The following RALYL variants were observed in gnomAD, a reference collection of about 807,000 sequenced individuals.
RALYL encodes the protein RNA-binding Raly-like protein.
Under a neutral mutation model 35.1 loss-of-function variants are expected in RALYL, and 29 were observed. That is an observed-to-expected ratio of 0.83 (90% CI 0.61 to 1.13). RALYL has a LOEUF of 1.13. Ranked by LOEUF, RALYL falls within the 50% of genes most tolerant of loss-of-function variation. RALYL has a pLI of 0.00. For missense variants in RALYL, 359 were observed against 360.4 expected, an observed-to-expected ratio of 1.00 and a Z score of 0.03; for synonymous variants, 120 against 127.6, an observed-to-expected ratio of 0.94 and a Z score of 0.40.
chr8:84,555,150 A>G (rs565364104), intron 2 of RALYL, among the ~76,000 whole-genome samples: 4 of 152,022 alleles, frequency 2.6e-5, no homozygotes, highest in African/African-American at 2.4e-5. Context: ...GTGGTGGCAC[A>G]CGCCTGTAAT....
intron 3 of RALYL, among the ~76,000 whole-genome samples, chr8:84,804,481 CAG>C (rs1004676224): frequency 7.2e-4 from 109 of 152,204 alleles, no homozygotes; most frequent in African/African-American, 2.6e-3. Context: ...TGAGTAGATA[CAG>C]AGAGTGCAAT....
At chr8:84,609,321 C>T (rs1197181171) in intron 2 of RALYL, among the ~76,000 whole-genome samples, 1 of 151,996 alleles carries the variant, frequency 6.6e-6, no homozygotes, top group African/African-American at 2.4e-5. Context: ...CTTCAGTTTC[C>T]TTGTCTGTGA....
At chr8:84,611,968 C>A (rs1818401284) in intron 2 of RALYL, among the ~76,000 whole-genome samples, 1 of 151,816 alleles carries the variant, frequency 6.6e-6, no homozygotes, top group South Asian at 2.1e-4. Context: ...TATTTGTCTC[C>A]ATTTTTTTAA....
intron 5 of RALYL, among the ~76,000 whole-genome samples, chr8:84,850,851 A>G (rs1040940429): frequency 3.3e-5 from 5 of 152,136 alleles, no homozygotes; most frequent in Non-Finnish European, 4.4e-5. Flanking sequence ...AGTTCTTTCA[A>G]TGTGTGATTC....
Position 84,415,739 on chromosome 8 carries a change from C to A in RALYL, c.-23-113560C>A, listed in dbSNP as rs1296720628. On this transcript the variant is annotated intron_variant, in intron 1 of 8. Coordinates refer to ENST00000521268, the MANE Select transcript of RALYL (RefSeq NM_173848.7). Reference sequence around the variant, plus strand: ...GTAACAAAAGCAAATTGCTGAATTGCCGTTACAATAGTACTTAATTAATAT... The same window carrying A: ...GTAACAAAAGCAAATTGCTGAATTGACGTTACAATAGTACTTAATTAATAT... Among the ~76,000 whole-genome samples the A allele has an allele frequency of 3.3e-5, 5 of 151,994 alleles. No homozygotes were observed. The East Asian group carries it at 9.6e-4, about 29-fold the overall frequency.
At chr8:84,774,542 T>G (rs1816366338) in intron 2 of RALYL, 37 bp from the exon 3 acceptor site, 1 of 1,360,990 alleles carries the variant, frequency 7.3e-7, no homozygotes, top group African/African-American at 1.5e-5. Flanking sequence ...TGGTTTCGTA[T>G]TTTCTTAATC....
intron 2 of RALYL, among the ~76,000 whole-genome samples, chr8:84,703,532 T>C (rs1048471095): frequency 3.9e-5 from 6 of 152,118 alleles, no homozygotes; most frequent in African/African-American, 1.2e-4. Flanking sequence ...TGAAGTGAAT[T>C]GTCACATGGT....
intron 2 of RALYL, among the ~76,000 whole-genome samples, chr8:84,646,862 T>C (rs1827612672): frequency 6.6e-6 from 1 of 152,118 alleles, no homozygotes; most frequent in African/African-American, 2.4e-5. Flanking sequence ...AGTTCTGACC[T>C]GTGTTCAGCA....
chr8:84,360,851 G>T (rs1288489832), intron 1 of RALYL, among the ~76,000 whole-genome samples: 5 of 151,634 alleles, frequency 3.3e-5, no homozygotes, highest in Non-Finnish European at 7.4e-5. Flanking sequence ...AATAAAATTG[G>T]ATAATTCTCA....
chr8:84,735,841 A>AGAGAGAGAGAGAGAGAGAGAGAGAAC lies in RALYL; in HGVS notation c.257-38730_257-38729insGAGAGAGAGAGAGAGAACGAGAGAGA, dbSNP rs1180314583. ...GAGAGAGAGAGAGAGAGAGAGAGAG[A>AGAGAGAGAGAGAGAGAGAGAGAGAAC]GAGAGAGAACGAGAACACACAGGTC... On this transcript the variant is annotated intron_variant, in intron 2 of 8. Coordinates refer to ENST00000521268, the MANE Select transcript of RALYL (RefSeq NM_173848.7). Among the ~76,000 whole-genome samples, 207 of 150,478 alleles carry AGAGAGAGAGAGAGAGAGAGAGAGAAC rather than the reference A, an allele frequency of 1.4e-3. 4 individuals are homozygous for AGAGAGAGAGAGAGAGAGAGAGAGAAC. The highest frequency in any genetic ancestry group is 5.0e-3 in the African/African-American group (201 of 40,100).
At chr8:84,433,862 T>A (rs75159278) in intron 1 of RALYL, among the ~76,000 whole-genome samples, 10,569 of 142,184 alleles carry the variant, frequency 0.074, 433 homozygotes, top group East Asian at 0.17. Flanking sequence ...TATATATATA[T>A]AATACCATGT....
chr8:84,881,460 T>C (rs1453371031), intron 7 of RALYL, among the ~76,000 whole-genome samples: 1 of 151,984 alleles, frequency 6.6e-6, no homozygotes, highest in Non-Finnish European at 1.5e-5. Flanking sequence ...TAAGCCAGCA[T>C]GTCAAAAAAC....
intron 2 of RALYL, among the ~76,000 whole-genome samples, chr8:84,598,672 G>A (rs144101295): frequency 2.3e-3 from 351 of 152,166 alleles, no homozygotes; most frequent in African/African-American, 5.2e-3. Flanking sequence ...TTAGGTTTAA[G>A]GAGGACTTTA....
chr8:84,695,387 T>C (rs1221707381), intron 2 of RALYL, among the ~76,000 whole-genome samples: 1 of 151,840 alleles, frequency 6.6e-6, no homozygotes, highest in East Asian at 1.9e-4. Context: ...TCTTGTCATA[T>C]ATTTATTGAC....
At chr8:84,766,782 A>G (rs1443340362) in intron 2 of RALYL, among the ~76,000 whole-genome samples, 1 of 147,654 alleles carries the variant, frequency 6.8e-6, no homozygotes, top group Non-Finnish European at 1.5e-5. Flanking sequence ...ACACCATTTT[A>G]TAAAATGTGT....
intron 2 of RALYL, among the ~76,000 whole-genome samples, chr8:84,709,691 A>G (rs190453843): frequency 1.4e-4 from 21 of 152,212 alleles, no homozygotes; most frequent in Admixed American, 1.4e-3. Context: ...CTTATAATGT[A>G]GAAATTTACA....
intron 2 of RALYL, among the ~76,000 whole-genome samples, chr8:84,745,462 T>C (rs1808390967): frequency 6.6e-6 from 1 of 152,046 alleles, no homozygotes; most frequent in African/African-American, 2.4e-5. Context: ...CAGTGATTTT[T>C]AGGCATACAT....
chr8:84,621,591 C>G (rs1015669415), intron 2 of RALYL, among the ~76,000 whole-genome samples: 4 of 152,320 alleles, frequency 2.6e-5, no homozygotes, highest in Middle Eastern at 3.4e-3. Context: ...TAGACCGGAG[C>G]TGTTCCTATT....
intron 1 of RALYL, among the ~76,000 whole-genome samples, chr8:84,201,920 A>G (rs1816935307): frequency 6.6e-6 from 1 of 152,158 alleles, no homozygotes; most frequent in African/African-American, 2.4e-5. Context: ...AATGATATGT[A>G]TTACATTTAA....
Sources: gnomAD v4.1 joint callset for allele counts (sites outside exome capture counted in the v4.1 genomes callset) on GRCh38, gnomAD v4.1.1 for gene constraint, MANE v1.5 for transcripts, NCBI Gene and HGNC (gene_info 2026-07-23, HGNC 2026-07-21) for gene names.